SGIP1: variants seen among roughly 807,000 people sequenced by gnomAD.
The protein encoded by SGIP1 is SH3-containing GRB2-like protein 3-interacting protein 1.
SGIP1 carries 38 observed loss-of-function variants against 107.5 expected under a neutral mutation model. That is an observed-to-expected ratio of 0.35 (90% CI 0.27 to 0.46). The LOEUF (loss-of-function observed/expected upper bound fraction) is 0.46. SGIP1 is among the 20% of genes least tolerant of loss of function. The pLI, the probability that SGIP1 is intolerant of heterozygous loss-of-function variation, is 1.00. For missense variants in SGIP1, 929 were observed against 1,019.5 expected, an observed-to-expected ratio of 0.91 and a Z score of 1.21; for synonymous variants, 365 against 366.1, an observed-to-expected ratio of 1.00 and a Z score of 0.03.
intron 15 of SGIP1, among the ~76,000 whole-genome samples, chr1:66,683,460 C>T (rs2087283777): frequency 6.6e-6 from 1 of 152,126 alleles, no homozygotes; most frequent in Admixed American, 6.5e-5. Context: ...TGCTTCTGTG[C>T]TTAAAGTGAG....
intron 4 of SGIP1, among the ~76,000 whole-genome samples, chr1:66,638,599 C>T (rs1265850040): frequency 6.6e-6 from 1 of 152,122 alleles, no homozygotes; most frequent in East Asian, 1.9e-4. Flanking sequence ...AGGGGATGAA[C>T]ACATTATCTA....
chr1:66,680,026 A>T (rs183002312), intron 14 of SGIP1, among the ~76,000 whole-genome samples: 90 of 152,362 alleles, frequency 5.9e-4, no homozygotes, highest in Middle Eastern at 6.8e-3. Flanking sequence ...AATGAAAAAA[A>T]TCTCAATATG....
chr1:66,534,075 CA>C, upstream of SGIP1: 13 of 543,114 alleles, frequency 2.4e-5, no homozygotes, highest in South Asian at 3.0e-4. Context: ...TGACGCGGTC[CA>C]AAGCTGAAGG....
intron 1 of SGIP1, among the ~76,000 whole-genome samples, chr1:66,612,697 AT>A (rs566781546): frequency 1.3e-5 from 2 of 152,080 alleles, no homozygotes; most frequent in East Asian, 1.9e-4. Context: ...AGATTAAATG[AT>A]TTTTTTTGAT....
chr1:66,656,080 A>C (rs1272602561), intron 7 of SGIP1, among the ~76,000 whole-genome samples: 1 of 152,092 alleles, frequency 6.6e-6, no homozygotes. Context: ...TTTATACTCT[A>C]TTCTACAAGC....
At chr1:66,569,689 T>A (rs1033748041) in intron 1 of SGIP1, among the ~76,000 whole-genome samples, 1 of 151,868 alleles carries the variant, frequency 6.6e-6, no homozygotes. Context: ...GTTCATGAGA[T>A]ATATTGGTCT....
At chr1:66,548,016 AG>A (rs1022062447) in intron 1 of SGIP1, among the ~76,000 whole-genome samples, 3 of 152,106 alleles carry the variant, frequency 2.0e-5, no homozygotes, top group Non-Finnish European at 4.4e-5. Context: ...CCAGTGAGGA[AG>A]GGAACAGAGG....
At chr1:66,736,873 G>A (rs114398868) in intron 21 of SGIP1, among the ~76,000 whole-genome samples, 2,256 of 152,034 alleles carry the variant, frequency 0.015, 60 homozygotes, top group African/African-American at 0.051. Flanking sequence ...CATTTAAAGT[G>A]AAATATCTAT....
At position 66,747,214 on chromosome 1, in the gene SGIP1, T is replaced by C. The variant is rs541740193; in HGVS notation, c.*4119T>C. 6 of 152,216 alleles carry C rather than the reference T, an allele frequency of 3.9e-5. No homozygotes were observed. Among genetic ancestry groups the C allele is most frequent in the Admixed American group, 1.3e-4 (2 of 15,296 alleles). The allele number at this position is 152,216 out of a possible 1,614,324, so 9.4% of individuals were successfully genotyped here. On this transcript the variant is annotated 3_prime_UTR_variant, in exon 25 of 25. Coordinates refer to ENST00000371037, the MANE Select transcript of SGIP1 (RefSeq NM_032291.4). ...CTTCTAGGGATGAGATTTGGGAATA[T>C]ACATTTTGATAAGTGCTCCAAATTT...
intron 8 of SGIP1, among the ~76,000 whole-genome samples, chr1:66,664,273 C>T (rs2082092963): frequency 6.6e-6 from 1 of 151,958 alleles, no homozygotes; most frequent in Non-Finnish European, 1.5e-5. Flanking sequence ...ATTTAAGGTG[C>T]ATCCAGGCAG....
At chr1:66,537,146 T>G (rs565953068) in intron 1 of SGIP1, among the ~76,000 whole-genome samples, 1 of 152,346 alleles carries the variant, frequency 6.6e-6, no homozygotes, top group African/African-American at 2.4e-5. Flanking sequence ...TAGTGGTTTG[T>G]GGCTCCATGG....
intron 19 of SGIP1, among the ~76,000 whole-genome samples, chr1:66,721,367 G>A (rs561424374): frequency 3.3e-5 from 5 of 152,168 alleles, no homozygotes; most frequent in Non-Finnish European, 5.9e-5. Context: ...AGAAAATCAC[G>A]TTGGCCTGAA....
intron 20 of SGIP1, among the ~76,000 whole-genome samples, chr1:66,731,177 G>A (rs2093992544): frequency 6.6e-6 from 1 of 152,102 alleles, no homozygotes; most frequent in African/African-American, 2.4e-5. Flanking sequence ...TCCCCCACAA[G>A]ACTGTGCAAA....
chr1:66,633,578 G>T (rs2075224472), intron 3 of SGIP1, among the ~76,000 whole-genome samples: 1 of 152,156 alleles, frequency 6.6e-6, no homozygotes, highest in African/African-American at 2.4e-5. Flanking sequence ...ACTTAAGCCT[G>T]AATTTACAGC....
intron 1 of SGIP1, among the ~76,000 whole-genome samples, chr1:66,604,088 T>C (rs1167411706): frequency 6.6e-6 from 1 of 152,212 alleles, no homozygotes; most frequent in Non-Finnish European, 1.5e-5. Flanking sequence ...TATTTCACTT[T>C]CATGGTAACC....
In SGIP1 at chr1:66,750,359, T is replaced by A. The variant is rs562154298; in HGVS notation, c.*7264T>A. On this transcript the variant is annotated 3_prime_UTR_variant, in exon 25 of 25. Coordinates refer to ENST00000371037, the MANE Select transcript of SGIP1 (RefSeq NM_032291.4). ...GGCCATGTAAGGCATTGATTTTTTTTAAACTTGAACAATGCAAGAATCTAG... is the reference window on the plus strand; with the variant it reads ...GGCCATGTAAGGCATTGATTTTTTTAAAACTTGAACAATGCAAGAATCTAG... 3.9e-5 allele frequency among the ~76,000 whole-genome samples: 6 copies of A among 152,218 alleles called. No individual in the cohort carries two copies. Among genetic ancestry groups the A allele is most frequent in the African/African-American group, 1.2e-4 (5 of 41,462 alleles).
intron 1 of SGIP1, among the ~76,000 whole-genome samples, chr1:66,625,616 T>G (rs2072476854): frequency 6.6e-6 from 1 of 152,250 alleles, no homozygotes; most frequent in Non-Finnish European, 1.5e-5. Flanking sequence ...CATATATCCT[T>G]ATGTTGCTTA....
At chr1:66,738,104 G>A (rs2094329651) in intron 21 of SGIP1, among the ~76,000 whole-genome samples, 1 of 152,136 alleles carries the variant, frequency 6.6e-6, no homozygotes, top group African/African-American at 2.4e-5. Flanking sequence ...CTTAATAAAT[G>A]TTTGCCTGCA....
At chr1:66,630,845 A>AGAGAGAG (rs1558133108) in intron 2 of SGIP1, among the ~76,000 whole-genome samples, 3 of 25,210 alleles carry the variant, frequency 1.2e-4, no homozygotes, top group African/African-American at 3.7e-4. Flanking sequence ...GAAAGAAAGA[A>AGAGAGAG]AGAAAGAAAG....
Sources: gnomAD v4.1 joint callset for allele counts (sites outside exome capture counted in the v4.1 genomes callset) on GRCh38, gnomAD v4.1.1 for gene constraint, MANE v1.5 for transcripts, NCBI Gene and HGNC (gene_info 2026-07-23, HGNC 2026-07-21) for gene names.